The following CACNG5 variants were observed in gnomAD, a reference collection of about 807,000 sequenced individuals.
The protein encoded by CACNG5 is voltage-dependent calcium channel gamma-5 subunit.
Under a neutral mutation model 24.8 loss-of-function variants are expected in CACNG5, and 18 were observed. The ratio of observed to expected loss-of-function variants is 0.73; its 90% CI spans 0.50 to 1.08. The LOEUF (loss-of-function observed/expected upper bound fraction) is 1.08, where lower values mean the gene tolerates loss of function less well. CACNG5 is among the 50% of genes least tolerant of loss of function. The pLI is 0.00. For synonymous variants in CACNG5, 157 were observed against 149.1 expected (o/e 1.05, Z -0.39); for missense variants, 349 against 367.9 (o/e 0.95, Z 0.42).
Position 66,861,017 on chromosome 17 carries a change from A to ACATG in CACNG5, c.-103-16210_-103-16207dup, listed in dbSNP as rs1487056808. The stretch of plus-strand genomic sequence containing the variant: ...TACATAAGCATTTTATATATTGTGC[A>ACATG]CATGCACGCACACACACACACACAC... On this transcript the variant is annotated intron_variant, in intron 1 of 5. Transcript: ENST00000533854. Among the ~76,000 whole-genome samples, 17 of 132,202 alleles carry ACATG rather than the reference A, an allele frequency of 1.3e-4. No individual in the cohort carries two copies. The East Asian group carries it at 3.4e-3, about 26-fold the overall frequency. The allele number at this position is 132,202 out of a possible 152,430, so 86.7% of individuals were successfully genotyped here.
chr17:66,867,921 T>A (rs913896436), intron 1 of CACNG5, among the ~76,000 whole-genome samples: 2 of 152,242 alleles, frequency 1.3e-5, no homozygotes, highest in Non-Finnish European at 2.9e-5. Flanking sequence ...TTCAGCTTTG[T>A]TCTTTTTGCT....
chr17:66,866,750 G>A (rs1047328221), intron 1 of CACNG5, among the ~76,000 whole-genome samples: 3 of 152,118 alleles, frequency 2.0e-5, no homozygotes, highest in African/African-American at 4.8e-5. Flanking sequence ...TTAGTTTGCT[G>A]AGGATGATGG....
At position 66,884,629 on chromosome 17, in the gene CACNG5, G is replaced by A; in HGVS notation, c.538G>A (p.Ala180Thr). ...CAACTACAAGTATGGGTGGTCGTTT[G>A]CCTTCGCCGCCATCTCCTTCCTTTT... ...YFNYKYGWSFAFAAISFLLTE... is the reference protein window; with the variant it reads ...YFNYKYGWSFTFAAISFLLTE... The change falls in exon 5 of 6, where the codon GCC (alanine) becomes ACC (threonine). Residue 180 changes from alanine to threonine, a missense_variant. Physicochemically the swap from Ala to Thr is moderately conservative, Grantham distance 58 (BLOSUM62 0). Transcript: ENST00000533854. 6.2e-7 allele frequency: 1 copy of A among 1,614,186 alleles called. No individual in the cohort carries two copies. Among genetic ancestry groups the A allele is most frequent in the Non-Finnish European group, 8.5e-7 (1 of 1,180,036 alleles).
intron 1 of CACNG5, among the ~76,000 whole-genome samples, chr17:66,840,045 T>C (rs960442575): frequency 6.6e-6 from 1 of 152,126 alleles, no homozygotes; most frequent in African/African-American, 2.4e-5. Flanking sequence ...ACTATCCGGG[T>C]GGCCTTAGAC....
At chr17:66,846,772 G>A (rs1976642512) in intron 1 of CACNG5, among the ~76,000 whole-genome samples, 1 of 152,092 alleles carries the variant, frequency 6.6e-6, no homozygotes, top group Non-Finnish European at 1.5e-5. Context: ...CAATTCTCTT[G>A]GGTATATCCC....
chr17:66,877,454 T>G lies in CACNG5; in HGVS notation c.122T>G (p.Ile41Ser). The G allele has an allele frequency of 6.2e-7, 1 of 1,613,942 alleles. No homozygotes were observed. The highest frequency in any genetic ancestry group is 8.5e-7 in the Non-Finnish European group (1 of 1,179,974). Residue 41 changes from isoleucine (I) to serine (S), a missense_variant, in exon 2 of 6, where the codon ATT becomes AGT. By Grantham distance (142) the Ile-to-Ser change is moderately radical. Transcript: ENST00000533854. ...DYWLYLEEGVIVPQNQSTEIK... is the reference protein window; with the variant it reads ...DYWLYLEEGVSVPQNQSTEIK... The stretch of plus-strand genomic sequence containing the variant: ...TGGCTGTACCTGGAGGAGGGTGTGA[T>G]TGTGCCCCAGAACCAGAGCACCGAG...
In CACNG5 at chr17:66,889,219, C is replaced by A. The variant is rs540438862; in HGVS notation, c.*3979C>A. Among the ~76,000 whole-genome samples, 54 of 151,532 alleles carry A rather than the reference C, an allele frequency of 3.6e-4. No homozygotes were observed. Among genetic ancestry groups the A allele is most frequent in the African/African-American group, 1.3e-3 (54 of 40,822 alleles). On this transcript the variant is annotated 3_prime_UTR_variant, in exon 6 of 6. Transcript: ENST00000533854. ...CAAGTGATCCACCTGCCTTGGCCTC[C>A]CAAAGTGCTGGGATTACAGGCATGA...
chr17:66,848,479 A>T (rs1343786654), intron 1 of CACNG5, among the ~76,000 whole-genome samples: 1 of 152,158 alleles, frequency 6.6e-6, no homozygotes, highest in Admixed American at 6.5e-5. Context: ...GCACACGGTC[A>T]CCTCATATTC....
At chr17:66,857,276 C>A (rs1181091094) in intron 1 of CACNG5, among the ~76,000 whole-genome samples, 1 of 151,888 alleles carries the variant, frequency 6.6e-6, no homozygotes, top group East Asian at 1.9e-4. Context: ...GAACTCCCAA[C>A]CTCAAGCGAT....
chr17:66,859,260 A>G (rs1976824205), intron 1 of CACNG5, among the ~76,000 whole-genome samples: 1 of 152,052 alleles, frequency 6.6e-6, no homozygotes, highest in Admixed American at 6.5e-5. Flanking sequence ...TTTTGTACTC[A>G]TGTTTGTGGG....
intron 1 of CACNG5, among the ~76,000 whole-genome samples, chr17:66,861,342 G>A (rs3848413): frequency 0.24 from 36,961 of 152,218 alleles, 4,706 homozygotes; most frequent in South Asian, 0.41. Flanking sequence ...TGCCAGGCTA[G>A]AGTCTCTATT....
intron 1 of CACNG5, among the ~76,000 whole-genome samples, chr17:66,875,555 TCTC>T (rs761393669): frequency 3.9e-5 from 6 of 152,068 alleles, no homozygotes; most frequent in Non-Finnish European, 7.4e-5. Flanking sequence ...ACTCTGCCAC[TCTC>T]CTCCTACAGT....
At chr17:66,874,983 G>A (rs1053284556) in intron 1 of CACNG5, among the ~76,000 whole-genome samples, 3 of 152,080 alleles carry the variant, frequency 2.0e-5, no homozygotes, top group Non-Finnish European at 2.9e-5. Context: ...TCAGTACAAC[G>A]TCACTAGCAC....
Position 66,880,622 on chromosome 17 carries a change from C to T in CACNG5, c.349C>T (p.Leu117=). The change falls in exon 4 of 6, where the codon CTG becomes TTG. Residue 117 remains leucine (L), a synonymous_variant. Coordinates refer to ENST00000533854, the MANE Select transcript of CACNG5 (RefSeq NM_145811.3). ...CTTCTTCATGTTCATTGGGTTTATCCTGAACAACATCGGACACATCCGTCC... is the reference window on the plus strand; with the variant it reads ...CTTCTTCATGTTCATTGGGTTTATCTTGAACAACATCGGACACATCCGTCC... ...SLFFMFIGFI[L]NNIGHIRPHR... 1 of 1,614,186 alleles carries T rather than the reference C, an allele frequency of 6.2e-7. No homozygotes were observed.
rs771101474 is a variant in CACNG5, at chr17:66,892,187, G to A, written c.*6947G>A. Among the ~76,000 whole-genome samples the A allele has an allele frequency of 2.6e-5, 4 of 152,180 alleles. No homozygotes were observed. Among genetic ancestry groups the A allele is most frequent in the Non-Finnish European group, 5.9e-5 (4 of 68,020 alleles). ...CCCCAGGGACCTCCCCCCACTCCTC[G>A]CTCTGTCTCAGCCTGCACCAGCCCC... On this transcript the variant is annotated 3_prime_UTR_variant, in exon 6 of 6. Transcript: ENST00000533854.
rs117599246 is a variant in CACNG5 at position 66,879,036 on chromosome 17, C to T, written c.261C>T (p.Ser87=). ...YVMPMNTQLT[S]ESTVNVLKMI... ...TGCCCATGAACACCCAGCTGACATC[C>T]GAGTCCACGGTCAATGTTCTAAGTA... The change falls in exon 3 of 6, where the codon TCC becomes TCT. Residue 87 remains serine, a synonymous_variant. Coordinates refer to ENST00000533854, the MANE Select transcript of CACNG5 (RefSeq NM_145811.3). 418 of 1,613,958 alleles carry T rather than the reference C, an allele frequency of 2.6e-4. No homozygotes were observed. The highest frequency in any genetic ancestry group is 3.3e-4 in the Non-Finnish European group (385 of 1,179,878).
intron 1 of CACNG5, among the ~76,000 whole-genome samples, chr17:66,857,325 C>A (rs1976795476): frequency 6.6e-6 from 1 of 152,016 alleles, no homozygotes; most frequent in Non-Finnish European, 1.5e-5. Flanking sequence ...GGATTATAGG[C>A]ATGAGCCACC....
chr17:66,868,572 G>A (rs1412984562), intron 1 of CACNG5, among the ~76,000 whole-genome samples: 1 of 152,154 alleles, frequency 6.6e-6, no homozygotes, highest in African/African-American at 2.4e-5. Context: ...TTAGCTGGCA[G>A]CTTCATGACC....
At chr17:66,880,844 C>G in intron 4 of CACNG5, 147 bp downstream of exon 4, 1 of 809,164 alleles carries the variant, frequency 1.2e-6, no homozygotes, top group Non-Finnish European at 2.0e-6. Flanking sequence ...CGGATTCAAG[C>G]AATTCTGCCT....
Sources: gnomAD v4.1 joint callset for allele counts (sites outside exome capture counted in the v4.1 genomes callset) on GRCh38, gnomAD v4.1.1 for gene constraint, MANE v1.5 for transcripts, NCBI Gene and HGNC (gene_info 2026-07-23, HGNC 2026-07-21) for gene names.